The following CHFR variants were observed in gnomAD, a reference collection of about 807,000 sequenced individuals.
CHFR encodes the protein checkpoint with forkhead and ring finger domains.
CHFR carries 57 observed loss-of-function variants against 87.6 expected under a neutral mutation model. The ratio of observed to expected loss-of-function variants is 0.65; its 90% CI spans 0.53 to 0.81. CHFR has a LOEUF of 0.81. Ranked by LOEUF, CHFR falls within the 30% of genes least tolerant of loss-of-function variation. CHFR has a pLI of 0.00. For synonymous variants in CHFR, 381 were observed against 359.2 expected, an observed-to-expected ratio of 1.06 and a Z score of -0.69; for missense variants, 797 against 865.8, an observed-to-expected ratio of 0.92 and a Z score of 1.00.
At chr12:132,858,124 A>C (rs966435305) in intron 8 of CHFR, among the ~76,000 whole-genome samples, 2 of 152,208 alleles carry the variant, frequency 1.3e-5, no homozygotes, top group African/African-American at 4.8e-5. Flanking sequence ...TGGGAGGCCA[A>C]GGTGGGCAGA....
chr12:132,887,294 G>A lies in CHFR; in HGVS notation c.35C>T (p.Pro12Leu). ...CAGGAGCCGTCCCCAGGGCTGCGGCGGCGGCGACTGCTTGCCTTCCTCGGG... is the reference window on the plus strand; with the variant it reads ...CAGGAGCCGTCCCCAGGGCTGCGGCAGCGGCGACTGCTTGCCTTCCTCGGG... ...ERPEEGKQSPPPQPWGRLLRL... is the reference protein window; with the variant it reads ...ERPEEGKQSPLPQPWGRLLRL... Residue 12 changes from proline (P) to leucine (L), a missense_variant, in exon 2 of 18, where the codon CCG (proline) becomes CTG (leucine). Around this residue, in one of 2 missense-constraint regions of CHFR, gnomAD observed 597 missense variants for 601.2 expected, o/e 0.99. Transcript: ENST00000450056. 2 of 1,484,410 alleles carry A rather than the reference G, an allele frequency of 1.3e-6. No individual in the cohort carries two copies. The highest frequency in any genetic ancestry group is 8.9e-7 in the Non-Finnish European group (1 of 1,124,740). 92.0% of individuals were successfully genotyped at this position (1,484,410 alleles called of 1,614,324 possible).
intron 7 of CHFR, 23 bp downstream of exon 7, chr12:132,861,444 G>A (rs779040932): frequency 9.3e-6 from 15 of 1,611,440 alleles, no homozygotes; most frequent in African/African-American, 5.3e-5. Context: ...GAGGACTGAG[G>A]ACACACACAA....
rs565690439 is a variant in CHFR, at chr12:132,868,415, G to A, written c.583+1204C>T. ...GAGGCAGGAAAATGGCGTGGACCCA[G>A]GAGAATGGCGTGGGAGGCGGAGCTT... On this transcript the variant is annotated intron_variant, in intron 6 of 17. Transcript: ENST00000450056. Among the ~76,000 whole-genome samples, 55 of 151,916 alleles carry A rather than the reference G, an allele frequency of 3.6e-4. No homozygotes were observed. In the South Asian group the frequency reaches 0.011, roughly 31 times the overall value.
At chr12:132,845,894 G>A (rs974400059) in intron 15 of CHFR, among the ~76,000 whole-genome samples, 2 of 152,178 alleles carry the variant, frequency 1.3e-5, no homozygotes, top group African/African-American at 4.8e-5. Context: ...AGGCATAATT[G>A]AAGCCTGTCA....
chr12:132,848,189 T>C (rs1950867335), intron 13 of CHFR, 34 bp from the exon 14 acceptor site: 1 of 1,613,946 alleles, frequency 6.2e-7, no homozygotes, highest in South Asian at 1.1e-5. Flanking sequence ...TACCTGTTTA[T>C]AATGATGTCG....
chr12:132,879,593 G>C (rs1452573088), intron 2 of CHFR, among the ~76,000 whole-genome samples: 1 of 151,444 alleles, frequency 6.6e-6, no homozygotes, highest in Admixed American at 6.6e-5. Context: ...GTTTCACAAT[G>C]TTGGCCAGGA....
chr12:132,853,378 C>T lies in CHFR; in HGVS notation c.1372+53G>A, dbSNP rs191413650. The T allele has an allele frequency of 5.6e-6, 8 of 1,437,274 alleles. No homozygotes were observed. In the East Asian group the frequency reaches 1.7e-4, roughly 30 times the overall value. 89.0% of individuals were successfully genotyped at this position (1,437,274 alleles called of 1,614,324 possible). On this transcript the variant is annotated intron_variant, in intron 11 of 17. Transcript: ENST00000450056. ...GCCACGTGCACGTCAGCACCGGGCA[C>T]AGCCACAAAGTGACTCACGCGAAGG... is the stretch of plus-strand genomic sequence containing the variant.
intron 11 of CHFR, among the ~76,000 whole-genome samples, chr12:132,852,441 C>T (rs766380871): frequency 1.5e-5 from 1 of 66,396 alleles, no homozygotes; most frequent in Non-Finnish European, 3.2e-5. Context: ...GTGCACAAGA[C>T]CAATCGATGT....
intron 3 of CHFR, among the ~76,000 whole-genome samples, chr12:132,876,459 T>A (rs1197255269): frequency 6.6e-6 from 1 of 152,246 alleles, no homozygotes; most frequent in African/African-American, 2.4e-5. Flanking sequence ...AATGAAAATA[T>A]TCTAAAATCT....
chr12:132,853,153 G>A (rs762099651), intron 11 of CHFR, among the ~76,000 whole-genome samples: 2 of 152,204 alleles, frequency 1.3e-5, no homozygotes, highest in African/African-American at 2.4e-5. Context: ...CTGAGGCAGT[G>A]GCTGGGGAGA....
chr12:132,863,697 G>C (rs1951268635), intron 6 of CHFR, among the ~76,000 whole-genome samples: 1 of 152,164 alleles, frequency 6.6e-6, no homozygotes. Context: ...ATCTCCACGA[G>C]CAAGAAGCCA....
chr12:132,862,486 C>A (rs907284993), intron 6 of CHFR: 3 of 429,186 alleles, frequency 7.0e-6, no homozygotes, highest in Non-Finnish European at 1.4e-5. Flanking sequence ...AGCATATGGT[C>A]CCAGCTACTC....
At chr12:132,884,236 T>C (rs547377537) in intron 2 of CHFR, among the ~76,000 whole-genome samples, 7 of 151,972 alleles carry the variant, frequency 4.6e-5, no homozygotes, top group Non-Finnish European at 8.8e-5. Flanking sequence ...CTGACGAACA[T>C]GGAGAAACCC....
chr12:132,864,928 C>T (rs1951300339), intron 6 of CHFR, among the ~76,000 whole-genome samples: 1 of 152,194 alleles, frequency 6.6e-6, no homozygotes. Flanking sequence ...GAACAGGAAA[C>T]AATTTTACTG....
At chr12:132,859,642 G>A (rs1281041262) in intron 7 of CHFR, among the ~76,000 whole-genome samples, 4 of 152,138 alleles carry the variant, frequency 2.6e-5, no homozygotes, top group Non-Finnish European at 4.4e-5. Context: ...GAGCTACCGC[G>A]CCCCACCCTC....
chr12:132,859,054 G>A lies in CHFR; in HGVS notation c.911+14C>T. On this transcript the variant is annotated intron_variant, in intron 8 of 17. Transcript: ENST00000450056. ...GTGCCATGTTCCGTGAGCCAAGGGT[G>A]AACACGGTCGCACCTCACGCAGTCG... 1 of 1,609,692 alleles carries A rather than the reference G, an allele frequency of 6.2e-7. No individual in the cohort carries two copies.
At chr12:132,885,002 C>T (rs957640770) in intron 2 of CHFR, among the ~76,000 whole-genome samples, 19 of 145,026 alleles carry the variant, frequency 1.3e-4, no homozygotes, top group Non-Finnish European at 2.3e-4. Flanking sequence ...GCAGGAGAAT[C>T]GCTTGAACCT....
chr12:132,858,843 C>G (rs1314323443), intron 8 of CHFR, among the ~76,000 whole-genome samples: 1 of 145,926 alleles, frequency 6.9e-6, no homozygotes, highest in African/African-American at 2.5e-5. Flanking sequence ...ACTCAGAAGG[C>G]TGAGGTCAGA....
chr12:132,857,504 G>A lies in CHFR; in HGVS notation c.967C>T (p.Arg323Cys), dbSNP rs749601873. 17 of 1,614,110 alleles carry A rather than the reference G, an allele frequency of 1.1e-5. No homozygotes were observed. The highest frequency in any genetic ancestry group is 1.3e-5 in the African/African-American group (1 of 75,042). ...CAACYSGWMERSSLCPTCRCP... is the reference protein window; with the variant it reads ...CAACYSGWMECSSLCPTCRCP... ...CGGCAGGTAGGACACAGGGACGAGC[G>A]CTCCATCCAGCCCGAGTAGCAAGCC... The change falls in exon 9 of 18, where the codon CGC (arginine) becomes TGC (cysteine). Residue 323 changes from arginine to cysteine, a missense_variant. Transcript: ENST00000450056.
Sources: gnomAD v4.1 joint callset for allele counts (sites outside exome capture counted in the v4.1 genomes callset) on GRCh38, gnomAD v4.1.1 for gene constraint, gnomAD v4.1.1 regional missense constraint, MANE v1.5 for transcripts, NCBI Gene and HGNC (gene_info 2026-07-23, HGNC 2026-07-21) for gene names.